The following TNRC6B variants were observed in gnomAD, a reference collection of about 807,000 sequenced individuals.
TNRC6B encodes trinucleotide repeat-containing gene 6B protein.
Under a neutral mutation model 203.6 loss-of-function variants are expected in TNRC6B, and 52 were observed. The ratio of observed to expected loss-of-function variants is 0.26; its 90% CI spans 0.20 to 0.32. The LOEUF (loss-of-function observed/expected upper bound fraction) is 0.32, where lower values mean the gene tolerates loss of function less well. Ranked by LOEUF, TNRC6B falls within the 10% of genes least tolerant of loss-of-function variation. TNRC6B has a pLI of 1.00. For synonymous variants in TNRC6B, 838 were observed against 845.7 expected, an observed-to-expected ratio of 0.99 and a Z score of 0.16; for missense variants, 1,923 against 2,286.2, an observed-to-expected ratio of 0.84 and a Z score of 3.24.
chr22:40,160,368 A>G (rs1428714093), intron 4 of TNRC6B, among the ~76,000 whole-genome samples: 1 of 150,632 alleles, frequency 6.6e-6, no homozygotes, highest in Non-Finnish European at 1.5e-5. Flanking sequence ...CCCAGCTACT[A>G]GGGAGGCTGA....
intron 1 of TNRC6B, among the ~76,000 whole-genome samples, chr22:40,051,538 A>G (rs762991): frequency 0.044 from 6,760 of 152,228 alleles, 449 homozygotes; most frequent in African/African-American, 0.15. Context: ...TCTCACCCCT[A>G]CAGATTGCCC....
At chr22:40,283,801 A>G (rs1002799109) in intron 11 of TNRC6B, among the ~76,000 whole-genome samples, 12 of 152,334 alleles carry the variant, frequency 7.9e-5, no homozygotes, top group Admixed American at 5.2e-4. Flanking sequence ...ATTAAAAAGT[A>G]AATTCTTTTC....
At chr22:40,113,634 G>T (rs1390676220) in intron 1 of TNRC6B, among the ~76,000 whole-genome samples, 1 of 152,218 alleles carries the variant, frequency 6.6e-6, no homozygotes, top group Non-Finnish European at 1.5e-5. Context: ...CAGGATTACA[G>T]GTGTAAGCCA....
chr22:40,266,843 A>G lies in TNRC6B; in HGVS notation c.2613A>G (p.Glu871=). ...GPQPATPKDE[E]PSGWEEPSPQ... The stretch of plus-strand genomic sequence containing the variant: ...AGCCTGCAACACCTAAGGATGAGGA[A>G]CCCAGTGGTTGGGAAGAGCCATCCC... The change falls in exon 5 of 23, where the codon GAA becomes GAG. Residue 871 remains glutamate (E), a synonymous_variant. Coordinates refer to ENST00000454349, the MANE Select transcript of TNRC6B (RefSeq NM_001162501.2). The G allele has an allele frequency of 1.2e-6, 2 of 1,613,970 alleles. No homozygotes were observed. The highest frequency in any genetic ancestry group is 1.7e-6 in the Non-Finnish European group (2 of 1,179,850).
chr22:40,331,895 T>C lies in TNRC6B; in HGVS notation c.*8654T>C. Reference sequence around the variant, plus strand: ...AGGTCAGCACAGTGAGATAGAGACCTCTGAGTCCTCTTGCCACTGTTGCTG... The same window carrying C: ...AGGTCAGCACAGTGAGATAGAGACCCCTGAGTCCTCTTGCCACTGTTGCTG... On this transcript the variant is annotated 3_prime_UTR_variant, in exon 23 of 23. Coordinates refer to ENST00000454349, the MANE Select transcript of TNRC6B (RefSeq NM_001162501.2). 1 of 324,496 alleles carries C rather than the reference T, an allele frequency of 3.1e-6. No homozygotes were observed. The highest frequency in any genetic ancestry group is 5.6e-6 in the Non-Finnish European group (1 of 177,610). The allele number at this position is 324,496 out of a possible 1,614,324, so 20.1% of individuals were successfully genotyped here. A position where few individuals can be genotyped will look rare whatever the true frequency, so the allele number is the denominator to read the frequency against.
intron 15 of TNRC6B, among the ~76,000 whole-genome samples, chr22:40,304,064 A>C (rs181984326): frequency 6.6e-6 from 1 of 152,340 alleles, no homozygotes; most frequent in Admixed American, 6.5e-5. Context: ...AATTTTTTCT[A>C]ATAAATTAAA....
At chr22:40,310,428 T>C (rs943163719) in intron 16 of TNRC6B, among the ~76,000 whole-genome samples, 4 of 152,248 alleles carry the variant, frequency 2.6e-5, no homozygotes, top group African/African-American at 9.6e-5. Context: ...AACCTTCTTA[T>C]GTGCTACAAA....
intron 1 of TNRC6B, among the ~76,000 whole-genome samples, chr22:40,103,910 T>G (rs2068260749): frequency 6.6e-6 from 1 of 150,480 alleles, no homozygotes; most frequent in Non-Finnish European, 1.5e-5. Flanking sequence ...CCCAAAGTGC[T>G]GGGATTACAG....
chr22:40,109,915 TC>T (rs2068318306), intron 1 of TNRC6B, among the ~76,000 whole-genome samples: 1 of 152,208 alleles, frequency 6.6e-6, no homozygotes, highest in African/African-American at 2.4e-5. Flanking sequence ...TTTTTAGACT[TC>T]CAAGGTACAC....
At chr22:40,188,793 CAT>C (rs1353169062) in intron 1 of TNRC6B, among the ~76,000 whole-genome samples, 2 of 152,138 alleles carry the variant, frequency 1.3e-5, no homozygotes, top group Non-Finnish European at 2.9e-5. Context: ...AACCCATAGA[CAT>C]GTGAATGTTT....
rs770965069 is a variant in TNRC6B at position 40,285,785 on chromosome 22, G to A, written c.3708+15G>A. 18 of 1,610,940 alleles carry A rather than the reference G, an allele frequency of 1.1e-5. No homozygotes were observed. Among genetic ancestry groups the A allele is most frequent in the African/African-American group, 1.1e-4 (8 of 74,718 alleles). On this transcript the variant is annotated intron_variant, in intron 12 of 22. Coordinates refer to ENST00000454349, the MANE Select transcript of TNRC6B (RefSeq NM_001162501.2). Reference sequence around the variant, plus strand: ...TTTCCCCCCAGGTAAGCAATTTTACGTTCCTGTGATTCAAAATGAAAGACC... The same window carrying A: ...TTTCCCCCCAGGTAAGCAATTTTACATTCCTGTGATTCAAAATGAAAGACC...
chr22:40,302,641 A>T (rs1311823412), intron 15 of TNRC6B, among the ~76,000 whole-genome samples: 1 of 123,906 alleles, frequency 8.1e-6, no homozygotes. Flanking sequence ...TCAAAAAAAA[A>T]AAAAAAAAAA....
chr22:40,259,072 C>T lies in TNRC6B; in HGVS notation c.116-2760C>T, dbSNP rs530990912. On this transcript the variant is annotated intron_variant, in intron 3 of 22. Transcript: ENST00000454349. ...TCTCTGCCAACTTCTTGTTTATTCT[C>T]ATAATAAGATAAAAGGGGATTGCGA... is the stretch of plus-strand genomic sequence containing the variant. 5.3e-5 allele frequency among the ~76,000 whole-genome samples: 8 copies of T among 152,220 alleles called. No individual in the cohort carries two copies. In the East Asian group the frequency reaches 1.4e-3, roughly 26 times the overall value.
intron 1 of TNRC6B, among the ~76,000 whole-genome samples, chr22:40,236,534 A>G (rs1257210011): frequency 1.3e-5 from 2 of 151,984 alleles, no homozygotes; most frequent in Non-Finnish European, 2.9e-5. Flanking sequence ...GTCTGCCTTG[A>G]TTTTGTGGAG....
At chr22:40,226,484 C>T (rs1360351617) in intron 1 of TNRC6B, among the ~76,000 whole-genome samples, 5 of 152,146 alleles carry the variant, frequency 3.3e-5, no homozygotes, top group Admixed American at 3.3e-4. Flanking sequence ...ACCGTGTGAT[C>T]TCAGGAGCAG....
chr22:40,089,646 A>G (rs1336740812), intron 1 of TNRC6B, among the ~76,000 whole-genome samples: 1 of 152,132 alleles, frequency 6.6e-6, no homozygotes, highest in Non-Finnish European at 1.5e-5. Flanking sequence ...GCAGTGTCAC[A>G]TCCCACACCA....
intron 1 of TNRC6B, among the ~76,000 whole-genome samples, chr22:40,106,133 G>T (rs1258547942): frequency 1.3e-5 from 2 of 151,554 alleles, no homozygotes; most frequent in Non-Finnish European, 2.9e-5. Flanking sequence ...TTTCCTGTTG[G>T]GTTATCCTTT....
chr22:40,268,333 G>A (rs968888986), intron 5 of TNRC6B, among the ~76,000 whole-genome samples: 2 of 152,032 alleles, frequency 1.3e-5, no homozygotes, highest in African/African-American at 2.4e-5. Context: ...TGATCCACCC[G>A]CCTCAGTCTA....
chr22:40,137,486 G>C (rs1007445563), intron 3 of TNRC6B, among the ~76,000 whole-genome samples: 1 of 152,168 alleles, frequency 6.6e-6, no homozygotes, highest in Non-Finnish European at 1.5e-5. Flanking sequence ...GACTTCTATA[G>C]GTACAGAAGA....
Sources: allele counts gnomAD v4.1 joint callset (sites outside exome capture counted in the v4.1 genomes callset), GRCh38; gene constraint gnomAD v4.1.1; transcripts MANE v1.5; gene names NCBI Gene and HGNC (gene_info 2026-07-23, HGNC 2026-07-21).